NUDT6: variants seen among roughly 807,000 people sequenced by gnomAD.
NUDT6 encodes FAD diphosphatase NUDT6.
In NUDT6, 24 loss-of-function variants were observed where a neutral mutation model predicts 36.8. The observed-to-expected ratio is 0.65, with a 90% CI of 0.47 to 0.92. The LOEUF (loss-of-function observed/expected upper bound fraction) is 0.92, where lower values mean the gene tolerates loss of function less well. Among genes scored for constraint, NUDT6 ranks in the 40% least tolerant of loss-of-function variants. NUDT6 has a pLI of 0.00. For missense variants in NUDT6, 388 were observed against 392.8 expected (o/e 0.99, Z 0.10); for synonymous variants, 163 against 157.0 (o/e 1.04, Z -0.29).
At chr4:122,896,118 A>G (rs1454253381) in intron 4 of NUDT6, 1 of 152,492 alleles carries the variant, frequency 6.6e-6, no homozygotes, top group African/African-American at 2.4e-5. Flanking sequence ...TTTCTTCTTA[A>G]TTCCACATGA....
intron 2 of NUDT6, among the ~76,000 whole-genome samples, chr4:122,916,768 G>GT (rs1727852690): frequency 6.6e-6 from 1 of 152,106 alleles, no homozygotes. Context: ...TGTGATTTCA[G>GT]TTATACAAGG....
At chr4:122,910,798 T>G (rs946113346) in intron 3 of NUDT6, among the ~76,000 whole-genome samples, 4 of 152,066 alleles carry the variant, frequency 2.6e-5, no homozygotes, top group Non-Finnish European at 5.9e-5. Flanking sequence ...GTCCCCAGAG[T>G]CAGAAAGACA....
chr4:122,912,502 T>C (rs1043819659), intron 3 of NUDT6, 66 bp downstream of exon 3: 15 of 1,141,154 alleles, frequency 1.3e-5, no homozygotes, highest in Non-Finnish European at 1.8e-5. Flanking sequence ...AAAATTTCTA[T>C]ATTTTATTCT....
intron 1 of NUDT6, chr4:122,921,604 AAAAAAAAAAAAAAAC>A (rs1560776685): frequency 1.6e-5 from 2 of 124,362 alleles, no homozygotes; most frequent in South Asian, 2.9e-4. Flanking sequence ...TCAAAAAAAA[AAAAAAAAAAAAAAAC>A]AAACTGTACA....
chr4:122,914,780 A>G (rs1434225036), intron 2 of NUDT6, among the ~76,000 whole-genome samples: 1 of 152,082 alleles, frequency 6.6e-6, no homozygotes, highest in Non-Finnish European at 1.5e-5. Flanking sequence ...TTGAATATCT[A>G]CTTTATGTCA....
chr4:122,911,999 T>C (rs11098676), intron 3 of NUDT6, among the ~76,000 whole-genome samples: 103,525 of 152,044 alleles, frequency 0.68, 37,312 homozygotes, highest in East Asian at 0.95. Flanking sequence ...TGCCTTTGTA[T>C]AAGCAATTCG....
chr4:122,917,633 A>T lies in NUDT6; in HGVS notation c.310T>A (p.Phe104Ile). ...WLHIPILQSRFIAPAASLGFC... is the reference protein window; with the variant it reads ...WLHIPILQSRIIAPAASLGFC... ...CCCAGGGAAGCAGCAGGGGCAATAA[A>T]TCGGCTTTGGAGGATGGGAATGTGC... The change falls in exon 2 of 5, where the codon TTT becomes ATT. Residue 104 changes from phenylalanine (F) to isoleucine (I), a missense_variant. Phe to Ile is a conservative substitution (Grantham distance 21, BLOSUM62 0). Coordinates refer to ENST00000304430, the MANE Select transcript of NUDT6 (RefSeq NM_007083.5). 1.2e-6 allele frequency: 2 copies of T among 1,614,204 alleles called. No individual in the cohort carries two copies. Among genetic ancestry groups the T allele is most frequent in the East Asian group, 2.2e-5 (1 of 44,876 alleles).
At chr4:122,922,867 A>T (rs554542617), upstream of NUDT6, 86 of 563,644 alleles carry the variant, frequency 1.5e-4, no homozygotes, top group Admixed American at 1.1e-3. Context: ...GAGGAGATGC[A>T]AAAACGTCCT....
At chr4:122,913,471 ACATT>A (rs1374909275) in intron 2 of NUDT6, among the ~76,000 whole-genome samples, 1 of 152,174 alleles carries the variant, frequency 6.6e-6, no homozygotes, top group Non-Finnish European at 1.5e-5. Flanking sequence ...GGGGGAACAA[ACATT>A]CAGACAACAG....
intron 3 of NUDT6, among the ~76,000 whole-genome samples, chr4:122,898,571 A>C (rs1267700916): frequency 6.6e-6 from 1 of 152,138 alleles, no homozygotes; most frequent in African/African-American, 2.4e-5. Flanking sequence ...TTCCTGGATG[A>C]ATGCTTCTTA....
At chr4:122,901,780 G>A (rs542575051) in intron 3 of NUDT6, among the ~76,000 whole-genome samples, 3 of 152,152 alleles carry the variant, frequency 2.0e-5, no homozygotes, top group South Asian at 2.1e-4. Context: ...TGTTTTCCCC[G>A]TTCCACAGAC....
At chr4:122,897,510 C>T in intron 4 of NUDT6, 114 bp downstream of exon 4, 1 of 748,872 alleles carries the variant, frequency 1.3e-6, no homozygotes, top group Non-Finnish European at 2.4e-6. Context: ...TGTTCAGACT[C>T]AGTCGGAACA....
In NUDT6 at chr4:122,892,585, A is replaced by G. The variant is rs551476719; in HGVS notation, c.*243T>C. ...AAAAATAACAAAAGTTGTAAAATGTATATTCTCCCTTTTATATTGCATCTG... is the reference window on the plus strand; with the variant it reads ...AAAAATAACAAAAGTTGTAAAATGTGTATTCTCCCTTTTATATTGCATCTG... On this transcript the variant is annotated 3_prime_UTR_variant, in exon 5 of 5. Transcript: ENST00000304430. 5 of 1,443,976 alleles carry G rather than the reference A, an allele frequency of 3.5e-6. No homozygotes were observed. Among genetic ancestry groups the G allele is most frequent in the African/African-American group, 2.9e-5 (2 of 69,900 alleles). The allele number at this position is 1,443,976 out of a possible 1,614,324, so 89.4% of individuals were successfully genotyped here.
At chr4:122,913,021 A>G (rs1727760799) in intron 2 of NUDT6, among the ~76,000 whole-genome samples, 1 of 152,242 alleles carries the variant, frequency 6.6e-6, no homozygotes, top group Non-Finnish European at 1.5e-5. Context: ...TAGTGGCATC[A>G]TGCCAGTGCT....
chr4:122,898,707 T>G (rs1040220537), intron 3 of NUDT6, among the ~76,000 whole-genome samples: 1 of 152,196 alleles, frequency 6.6e-6, no homozygotes, highest in Non-Finnish European at 1.5e-5. Flanking sequence ...AGGCTTGACA[T>G]TAATTTATAA....
At chr4:122,914,326 G>A (rs1273429217) in intron 2 of NUDT6, among the ~76,000 whole-genome samples, 1 of 152,106 alleles carries the variant, frequency 6.6e-6, no homozygotes, top group Non-Finnish European at 1.5e-5. Flanking sequence ...GAAAATGTAA[G>A]CTATAATTTA....
At chr4:122,906,773 A>G (rs372278853) in intron 3 of NUDT6, among the ~76,000 whole-genome samples, 2 of 152,264 alleles carry the variant, frequency 1.3e-5, no homozygotes, top group East Asian at 3.9e-4. Context: ...GGTCATAAAG[A>G]CCTTGCTGAT....
At position 122,897,745 on chromosome 4, in the gene NUDT6, C is replaced by T. The variant is rs532370438; in HGVS notation, c.499-67G>A. 84 of 1,064,326 alleles carry T rather than the reference C, an allele frequency of 7.9e-5. No homozygotes were observed. In the African/African-American group the frequency reaches 1.2e-3, roughly 15 times the overall value. 65.9% of individuals were successfully genotyped at this position (1,064,326 alleles called of 1,614,324 possible). A position where few individuals can be genotyped will look rare whatever the true frequency, so the allele number is the denominator to read the frequency against. On this transcript the variant is annotated intron_variant, in intron 3 of 4. Coordinates refer to ENST00000304430, the MANE Select transcript of NUDT6 (RefSeq NM_007083.5). Reference sequence around the variant, plus strand: ...CTAACACACACATATGTAGATTTCACAAAATCCACCTATAATTGGTCAAAG... The same window carrying T: ...CTAACACACACATATGTAGATTTCATAAAATCCACCTATAATTGGTCAAAG...
upstream of NUDT6, chr4:122,922,613 C>A (rs569691964): frequency 6.5e-7 from 1 of 1,532,158 alleles, no homozygotes; most frequent in East Asian, 2.3e-5. Flanking sequence ...AATGACCCCT[C>A]CGCGCTCCAG....
Sources: gnomAD v4.1 joint callset for allele counts (sites outside exome capture counted in the v4.1 genomes callset) on GRCh38, gnomAD v4.1.1 for gene constraint, MANE v1.5 for transcripts, NCBI Gene and HGNC (gene_info 2026-07-23, HGNC 2026-07-21) for gene names.